INO80C: variants seen among roughly 807,000 people sequenced by gnomAD.
INO80C encodes INO80 complex subunit C, also known as IES6 homolog.
A neutral mutation model predicts 17.7 loss-of-function variants in INO80C; 17 were observed. The observed-to-expected ratio is 0.96, with a 90% CI of 0.66 to 1.44. The LOEUF (loss-of-function observed/expected upper bound fraction) is 1.44. Among genes scored for constraint, INO80C ranks in the 40% most tolerant of loss-of-function variants. INO80C has a pLI of 0.00. For synonymous variants in INO80C, 96 were observed against 95.8 expected, an observed-to-expected ratio of 1.00 and a Z score of -0.01; for missense variants, 244 against 245.0, an observed-to-expected ratio of 1.00 and a Z score of 0.03.
At chr18:35,484,938 G>A (rs568818654) in intron 1 of INO80C, among the ~76,000 whole-genome samples, 1 of 152,242 alleles carries the variant, frequency 6.6e-6, no homozygotes, top group South Asian at 2.1e-4. Context: ...CCATAGATTG[G>A]GTGGCTTATA....
At position 35,485,891 on chromosome 18, in the gene INO80C, G is replaced by C. The variant is rs560466433; in HGVS notation, c.157-5328C>G. ...TGTAATCCCAACACTTTGGGAGGCT[G>C]AGGCAGGAGGACTGCTTGAGGCCAA... On this transcript the variant is annotated intron_variant, in intron 1 of 4. Coordinates refer to ENST00000334598, the MANE Select transcript of INO80C (RefSeq NM_194281.4). Among the ~76,000 whole-genome samples the C allele has an allele frequency of 2.0e-5, 3 of 152,356 alleles. No homozygotes were observed. In the East Asian group the frequency reaches 5.8e-4, roughly 29 times the overall value.
intron 4 of INO80C, among the ~76,000 whole-genome samples, chr18:35,473,247 T>A (rs769509051): frequency 2.8e-4 from 42 of 152,230 alleles, no homozygotes; most frequent in Non-Finnish European, 4.6e-4. Context: ...TCTCTTGCCA[T>A]AAACGACTAT....
chr18:35,488,420 C>T (rs1374741943), intron 1 of INO80C, among the ~76,000 whole-genome samples: 1 of 152,248 alleles, frequency 6.6e-6, no homozygotes, highest in Non-Finnish European at 1.5e-5. Context: ...CACCCACAGG[C>T]TCAACACTAT....
intron 1 of INO80C, 133 bp downstream of exon 1, chr18:35,497,586 G>A: frequency 7.0e-7 from 1 of 1,430,806 alleles, no homozygotes. Flanking sequence ...TCACTCCGCG[G>A]GGCAGCGTCT....
At chr18:35,474,245 A>ATATATATATATAT (rs2045707861) in intron 4 of INO80C, among the ~76,000 whole-genome samples, 1 of 129,538 alleles carries the variant, frequency 7.7e-6, no homozygotes, top group Non-Finnish European at 1.6e-5. Flanking sequence ...ATATATATAT[A>ATATATATATATAT]CTTAATAACT....
At chr18:35,497,666 G>T (rs1487326217) in intron 1 of INO80C, 53 bp downstream of exon 1, 1 of 1,575,318 alleles carries the variant, frequency 6.3e-7, no homozygotes. Context: ...GCTCCGCCCC[G>T]CCAAGTCCCG....
chr18:35,486,216 G>A (rs1256789993), intron 1 of INO80C, among the ~76,000 whole-genome samples: 5 of 152,106 alleles, frequency 3.3e-5, no homozygotes, highest in East Asian at 3.9e-4. Flanking sequence ...GCTCTGTCAC[G>A]GATAAATCTT....
At chr18:35,497,609 G>C in intron 1 of INO80C, 110 bp downstream of exon 1, 1 of 1,462,050 alleles carries the variant, frequency 6.8e-7, no homozygotes, top group Non-Finnish European at 9.0e-7. Context: ...CAACCCCAAC[G>C]GAGACCGCAC....
In INO80C at chr18:35,497,744, T is replaced by C; in HGVS notation, c.131A>G (p.Lys44Arg). The C allele has an allele frequency of 6.2e-7, 1 of 1,612,844 alleles. No individual in the cohort carries two copies. Among genetic ancestry groups the C allele is most frequent in the South Asian group, 1.1e-5 (1 of 91,022 alleles). ...CTGCGCAAAGCTGGAAGCGGACGCTTTTTTCTTCTTACTGGCGCCATAGCC... is the reference window on the plus strand; with the variant it reads ...CTGCGCAAAGCTGGAAGCGGACGCTCTTTTCTTCTTACTGGCGCCATAGCC... ...GGGYGASKKK[K>R]ASASSFAQGI... Residue 44 changes from lysine to arginine, a missense_variant, in exon 1 of 5, where the codon AAA becomes AGA. By Grantham distance (26) the Lys-to-Arg change is conservative. Coordinates refer to ENST00000334598, the MANE Select transcript of INO80C (RefSeq NM_194281.4).
chr18:35,494,724 CAG>C (rs1276134725), intron 1 of INO80C, among the ~76,000 whole-genome samples: 2 of 152,228 alleles, frequency 1.3e-5, no homozygotes, highest in East Asian at 3.9e-4. Flanking sequence ...ATACCCAGAG[CAG>C]AGAGTCAACC....
chr18:35,484,767 C>G (rs1234434539), intron 1 of INO80C, among the ~76,000 whole-genome samples: 1 of 152,130 alleles, frequency 6.6e-6, no homozygotes, highest in African/African-American at 2.4e-5. Flanking sequence ...ACCAATCCAG[C>G]ACATATACTG....
chr18:35,480,261 T>A (rs138762427), intron 2 of INO80C, among the ~76,000 whole-genome samples, 192 bp downstream of exon 2: 92 of 152,236 alleles, frequency 6.0e-4, no homozygotes, highest in African/African-American at 2.1e-3. Flanking sequence ...CCCAAATCCT[T>A]GGGATATGGC....
chr18:35,490,881 C>T (rs2045927004), intron 1 of INO80C, among the ~76,000 whole-genome samples: 1 of 152,182 alleles, frequency 6.6e-6, no homozygotes, highest in African/African-American at 2.4e-5. Flanking sequence ...TCAGCCCCCA[C>T]TCATGAGTAG....
intron 1 of INO80C, among the ~76,000 whole-genome samples, chr18:35,490,067 C>T (rs1455458306): frequency 6.6e-6 from 1 of 151,954 alleles, no homozygotes; most frequent in African/African-American, 2.4e-5. Flanking sequence ...AGCCAGAGGT[C>T]ATGACTCCTG....
intron 1 of INO80C, among the ~76,000 whole-genome samples, chr18:35,482,544 C>A (rs561371027): frequency 1.3e-5 from 2 of 152,286 alleles, no homozygotes; most frequent in East Asian, 3.9e-4. Flanking sequence ...GGGTTCCAGC[C>A]AAGGCCCTGT....
At position 35,497,701 on chromosome 18, in the gene INO80C, G is replaced by C. The variant is rs1388962010; in HGVS notation, c.156+18C>G. On this transcript the variant is annotated intron_variant, in intron 1 of 4. Transcript: ENST00000334598. The stretch of plus-strand genomic sequence containing the variant: ...GTTTCGCGACGCGCACGCGCAGCCT[G>C]GGAGCGCGACTGCGTACCTGCGCAA... 1.2e-6 allele frequency: 2 copies of C among 1,607,978 alleles called. No homozygotes were observed. Among genetic ancestry groups the C allele is most frequent in the Non-Finnish European group, 1.7e-6 (2 of 1,177,528 alleles).
chr18:35,476,461 GT>G (rs879701751), intron 4 of INO80C, among the ~76,000 whole-genome samples: 2 of 152,196 alleles, frequency 1.3e-5, no homozygotes, highest in Non-Finnish European at 2.9e-5. Flanking sequence ...CAGAAACTGA[GT>G]TTGGGTTATA....
intron 1 of INO80C, chr18:35,489,383 C>T (rs765586139): frequency 2.3e-4 from 58 of 250,844 alleles, no homozygotes; most frequent in Non-Finnish European, 4.2e-4. Context: ...GCGAAAGGCA[C>T]GTCTTACATG....
Position 35,468,691 on chromosome 18 carries a change from A to C in INO80C, c.499T>G (p.Phe167Val), listed in dbSNP as rs769218817. The C allele has an allele frequency of 1.2e-5, 20 of 1,613,498 alleles. No individual in the cohort carries two copies. Among genetic ancestry groups the C allele is most frequent in the Non-Finnish European group, 1.7e-5 (20 of 1,179,902 alleles). Reference protein sequence around the residue: ...SKLRFSTIEEFSYIRRLPSDV... With the variant: ...SKLRFSTIEEVSYIRRLPSDV... ...GAGGGCAGCCTCCGAATGTAGGAAA[A>C]CTCTTCAATGGTGCTGAACCGCAGT... Residue 167 changes from phenylalanine (F) to valine (V), a missense_variant, in exon 5 of 5, where the codon TTT becomes GTT. Transcript: ENST00000334598.
Sources: allele counts gnomAD v4.1 joint callset (sites outside exome capture counted in the v4.1 genomes callset), GRCh38; gene constraint gnomAD v4.1.1; transcripts MANE v1.5; gene names NCBI Gene and HGNC (gene_info 2026-07-23, HGNC 2026-07-21).